Variants in DGLUCY observed in about 807,000 individuals in gnomAD.
DGLUCY encodes D-glutamate cyclase, also known as D-glutamate cyclase, mitochondrial.
In DGLUCY, 58 loss-of-function variants were observed where a neutral mutation model predicts 58.5. The observed-to-expected ratio is 0.99, with a 90% confidence interval of 0.80 to 1.23. DGLUCY has a LOEUF of 1.23. Among genes scored for constraint, DGLUCY ranks in the 50% most tolerant of loss-of-function variants. DGLUCY has a pLI of 0.00. For missense variants in DGLUCY, 779 were observed against 784.7 expected, an observed-to-expected ratio of 0.99 and a Z score of 0.09; for synonymous variants, 325 against 314.1, an observed-to-expected ratio of 1.03 and a Z score of -0.37.
Position 91,167,352 on chromosome 14 carries a change from C to G in DGLUCY, c.231C>G (p.Pro77=). ...GQSEPEKWML[P]PQGAISETRM... The stretch of plus-strand genomic sequence containing the variant: ...GTGAGCCAGAAAAGTGGATGCTGCC[C>G]CCTCAAGGTGCTATCTCAGAGACCA... Residue 77 remains proline, a synonymous_variant, in exon 4 of 14, where the codon CCC becomes CCG. Coordinates refer to ENST00000256324, the MANE Select transcript of DGLUCY (RefSeq NM_001102368.3). 6.2e-7 allele frequency: 1 copy of G among 1,614,066 alleles called. No homozygotes were observed. Among genetic ancestry groups the G allele is most frequent in the Admixed American group, 1.7e-5 (1 of 59,988 alleles).
chr14:91,130,305 CTT>C (rs1187190275), intron 1 of DGLUCY, among the ~76,000 whole-genome samples: 9 of 137,224 alleles, frequency 6.6e-5, no homozygotes, highest in Non-Finnish European at 8.0e-5. Flanking sequence ...CTTTTCTTTT[CTT>C]TTTTTTTTTT....
chr14:91,111,706 T>C (rs527945989), upstream of DGLUCY, among the ~76,000 whole-genome samples: 224 of 152,360 alleles, frequency 1.5e-3, 3 homozygotes, highest in Non-Finnish European at 3.2e-4. Context: ...AGGCAGTTCT[T>C]TGGGGCCTCA....
intron 3 of DGLUCY, among the ~76,000 whole-genome samples, chr14:91,160,693 GT>G (rs2047934846): frequency 6.6e-6 from 1 of 152,066 alleles, no homozygotes; most frequent in South Asian, 2.1e-4. Context: ...GATGAAAAGG[GT>G]TGTCCCTTCT....
upstream of DGLUCY, among the ~76,000 whole-genome samples, chr14:91,112,880 G>A (rs978017906): frequency 1.3e-5 from 2 of 151,408 alleles, no homozygotes; most frequent in Non-Finnish European, 2.9e-5. Flanking sequence ...TTAGCCAGGC[G>A]TGGTGGCACT....
In DGLUCY at chr14:91,072,665, CA is replaced by C. The variant is rs993303661; in HGVS notation, c.-82+11967del. Among the ~76,000 whole-genome samples the C allele has an allele frequency of 1.1e-3, 89 of 78,992 alleles. 2 individuals carry two copies. Among genetic ancestry groups the C allele is most frequent in the African/African-American group, 4.3e-3 (87 of 20,140 alleles). 51.8% of individuals were successfully genotyped at this position (78,992 alleles called of 152,430 possible). On this transcript the variant is annotated intron_variant, in intron 1 of 4. Coordinates refer to the DGLUCY transcript ENST00000521334. ...AGATTTGAGACACCAAAAAAAAAAA[CA>C]AAAAACAAAACTTCCTCATGGTGCT...
intron 1 of DGLUCY, among the ~76,000 whole-genome samples, chr14:91,132,878 C>T (rs2046106346): frequency 1.3e-5 from 2 of 152,170 alleles, no homozygotes; most frequent in South Asian, 4.1e-4. Flanking sequence ...TGAATTTGAC[C>T]ATTCCAGGTC....
rs1259814810 is a variant in DGLUCY at position 91,092,330 on chromosome 14, A to G, written c.-82+31626A>G. ...GTGCTTAGAATAGTACCAAACTTGT[A>G]GTAGGTGTTCAATAAACTCTTGTTA... On this transcript the variant is annotated intron_variant, in intron 1 of 4. Coordinates refer to the DGLUCY transcript ENST00000521334. Among the ~76,000 whole-genome samples the G allele has an allele frequency of 9.8e-5, 15 of 152,316 alleles. 1 individual carries two copies. The East Asian group carries it at 2.9e-3, about 29-fold the overall frequency.
chr14:91,136,842 G>A (rs1053536336), intron 1 of DGLUCY, among the ~76,000 whole-genome samples: 1 of 152,090 alleles, frequency 6.6e-6, no homozygotes, highest in African/African-American at 2.4e-5. Context: ...GGTGGTACAT[G>A]CCTGTAATCC....
intron 1 of DGLUCY, among the ~76,000 whole-genome samples, chr14:91,088,898 C>G (rs74083944): frequency 0.025 from 3,851 of 152,318 alleles, 166 homozygotes; most frequent in African/African-American, 0.086. Flanking sequence ...TCTTCTGTTC[C>G]AAGGCCAGCT....
chr14:91,072,056 C>G (rs1475507382), intron 1 of DGLUCY, among the ~76,000 whole-genome samples: 2 of 152,022 alleles, frequency 1.3e-5, no homozygotes, highest in Admixed American at 1.3e-4. Context: ...GGCGTTGGGG[C>G]TCATGCCTAC....
intron 1 of DGLUCY, among the ~76,000 whole-genome samples, chr14:91,127,864 T>C (rs2045798951): frequency 6.6e-6 from 1 of 152,068 alleles, no homozygotes; most frequent in Non-Finnish European, 1.5e-5. Context: ...GTGCATCTTT[T>C]TCTCACCGAG....
At chr14:91,090,385 T>G (rs1470241272) in intron 1 of DGLUCY, among the ~76,000 whole-genome samples, 1 of 152,296 alleles carries the variant, frequency 6.6e-6, no homozygotes, top group East Asian at 1.9e-4. Flanking sequence ...TTTCTTTTTT[T>G]TTGTTTTAGA....
chr14:91,217,925 TTGG>T (rs1489883062), intron 13 of DGLUCY, among the ~76,000 whole-genome samples: 1 of 152,180 alleles, frequency 6.6e-6, no homozygotes, highest in Non-Finnish European at 1.5e-5. Flanking sequence ...CCTGCCTGGA[TTGG>T]TGGTGTCATT....
At chr14:91,078,115 G>T (rs1376893963) in intron 1 of DGLUCY, among the ~76,000 whole-genome samples, 2 of 152,000 alleles carry the variant, frequency 1.3e-5, no homozygotes, top group Non-Finnish European at 2.9e-5. Flanking sequence ...TGCAACCTCC[G>T]CCTCCAGGGT....
intron 1 of DGLUCY, among the ~76,000 whole-genome samples, chr14:91,123,402 G>A (rs1056683264): frequency 2.0e-5 from 3 of 151,816 alleles, no homozygotes; most frequent in African/African-American, 7.3e-5. Flanking sequence ...TGGCACTTGT[G>A]AATATTTAGA....
intron 1 of DGLUCY, among the ~76,000 whole-genome samples, chr14:91,062,491 T>A (rs1444824871): frequency 7.4e-6 from 1 of 135,226 alleles, no homozygotes; most frequent in African/African-American, 2.8e-5. Flanking sequence ...GAGGTTGCAG[T>A]AAGCCGAGAT....
At chr14:91,163,919 A>G (rs1209928049) in intron 3 of DGLUCY, among the ~76,000 whole-genome samples, 3 of 152,144 alleles carry the variant, frequency 2.0e-5, no homozygotes, top group Non-Finnish European at 4.4e-5. Flanking sequence ...TGACAGGGCA[A>G]TTGTCCTCAA....
At chr14:91,196,711 GCA>G (rs1333319397) in intron 10 of DGLUCY, among the ~76,000 whole-genome samples, 1 of 128,774 alleles carries the variant, frequency 7.8e-6, no homozygotes, top group Non-Finnish European at 1.5e-5. Flanking sequence ...GAGAGAGACA[GCA>G]TATCTTCCTG....
rs751394242 is a variant in DGLUCY, at chr14:91,096,285, G to A, written c.-82+35581G>A. ...AAAAATTAGCCAGGTGTGGTGATGC[G>A]CACCTATAATCCCAGCTACTTGGGA... is the stretch of plus-strand genomic sequence containing the variant. On this transcript the variant is annotated intron_variant, in intron 1 of 4. Transcript: ENST00000521334. Among the ~76,000 whole-genome samples, 30 of 152,134 alleles carry A rather than the reference G, an allele frequency of 2.0e-4. No individual in the cohort carries two copies. The South Asian group carries it at 2.3e-3, about 12-fold the overall frequency.
Sources: allele counts gnomAD v4.1 joint callset (sites outside exome capture counted in the v4.1 genomes callset), GRCh38; gene constraint gnomAD v4.1.1; transcripts MANE v1.5; gene names NCBI Gene and HGNC (gene_info 2026-07-23, HGNC 2026-07-21).